Variants in ARHGAP8 observed in about 807,000 individuals in gnomAD.
ARHGAP8 encodes the protein rho GTPase-activating protein 8.
ARHGAP8 carries 62 observed loss-of-function variants against 46.1 expected under a neutral mutation model. The ratio of observed to expected loss-of-function variants is 1.34; its 90% CI spans 1.10 to 1.66. ARHGAP8 has a LOEUF of 1.66. ARHGAP8 is among the 40% of genes most tolerant of loss of function. The pLI is 0.00. For synonymous variants in ARHGAP8, 375 were observed against 243.1 expected (o/e 1.54, Z -5.05); for missense variants, 923 against 568.4 (o/e 1.62, Z -6.34).
intron 10 of ARHGAP8, among the ~76,000 whole-genome samples, chr22:44,853,919 C>T (rs189589812): frequency 5.7e-4 from 85 of 148,998 alleles, no homozygotes; most frequent in African/African-American, 1.7e-3. Flanking sequence ...CCCAGCTACT[C>T]GGGAGGCTGA....
chr22:44,766,630 A>G (rs1230465823), intron 1 of ARHGAP8, among the ~76,000 whole-genome samples: 2 of 152,088 alleles, frequency 1.3e-5, no homozygotes, highest in Non-Finnish European at 2.9e-5. Flanking sequence ...ACATGATTCC[A>G]AGACCCCGCC....
chr22:44,802,796 G>A (rs1222370536), intron 3 of ARHGAP8, among the ~76,000 whole-genome samples: 1 of 152,132 alleles, frequency 6.6e-6, no homozygotes, highest in Non-Finnish European at 1.5e-5. Flanking sequence ...TCTTCACATG[G>A]CCTTTTTGCC....
chr22:44,853,759 G>A (rs762484851), intron 10 of ARHGAP8, among the ~76,000 whole-genome samples: 2 of 152,080 alleles, frequency 1.3e-5, no homozygotes, highest in Non-Finnish European at 2.9e-5. Flanking sequence ...CAGCTGCGGT[G>A]GTTCACGCCT....
At chr22:44,832,012 A>G (rs1020835772) in intron 7 of ARHGAP8, among the ~76,000 whole-genome samples, 3 of 152,068 alleles carry the variant, frequency 2.0e-5, no homozygotes, top group South Asian at 2.1e-4. Flanking sequence ...TGGGATTTCA[A>G]TAGGGCTTGT....
intron 6 of ARHGAP8, among the ~76,000 whole-genome samples, chr22:44,824,497 C>G (rs894296522): frequency 9.9e-5 from 15 of 152,272 alleles, no homozygotes; most frequent in African/African-American, 3.1e-4. Flanking sequence ...GGTCATGTGC[C>G]CCCCCATCCT....
intron 4 of ARHGAP8, 89 bp downstream of exon 4, chr22:44,808,527 A>G: frequency 6.5e-7 from 1 of 1,531,314 alleles, no homozygotes; most frequent in Non-Finnish European, 8.8e-7. Context: ...CAGAGTGTGC[A>G]GTGGGGGAGG....
chr22:44,847,046 GGGA>G (rs1487696109), intron 8 of ARHGAP8, among the ~76,000 whole-genome samples: 1 of 152,184 alleles, frequency 6.6e-6, no homozygotes, highest in African/African-American at 2.4e-5. Flanking sequence ...CGAGGAAGTT[GGGA>G]GGAGAAGGGG....
At chr22:44,851,272 C>T (rs1002382811) in intron 10 of ARHGAP8, among the ~76,000 whole-genome samples, 1 of 152,186 alleles carries the variant, frequency 6.6e-6, no homozygotes, top group Non-Finnish European at 1.5e-5. Context: ...TTTCCTGCTA[C>T]CCGTCTTAGG....
chr22:44,759,597 G>A (rs978638722), intron 1 of ARHGAP8, among the ~76,000 whole-genome samples: 2 of 152,088 alleles, frequency 1.3e-5, no homozygotes, highest in Non-Finnish European at 2.9e-5. Flanking sequence ...GTTGGCTGCA[G>A]CCCTCCGGGT....
intron 10 of ARHGAP8, among the ~76,000 whole-genome samples, chr22:44,852,027 C>T (rs1356559329): frequency 2.6e-5 from 4 of 151,594 alleles, no homozygotes; most frequent in Non-Finnish European, 5.9e-5. Context: ...CCCGTCTCCA[C>T]TAAAAATACA....
chr22:44,845,722 G>C (rs764437007), intron 8 of ARHGAP8, among the ~76,000 whole-genome samples: 13 of 152,200 alleles, frequency 8.5e-5, no homozygotes, highest in Admixed American at 3.9e-4. Context: ...CCTCTGATGG[G>C]ATCAACTTTG....
intron 5 of ARHGAP8, among the ~76,000 whole-genome samples, chr22:44,815,879 T>G (rs1205383637): frequency 1.3e-5 from 2 of 152,078 alleles, no homozygotes; most frequent in Non-Finnish European, 2.9e-5. Context: ...GACTGACAGA[T>G]GTCGTTCTTG....
chr22:44,767,386 C>T (rs1421767392), intron 1 of ARHGAP8, among the ~76,000 whole-genome samples: 2 of 152,112 alleles, frequency 1.3e-5, no homozygotes, highest in Non-Finnish European at 2.9e-5. Context: ...GCTGCAGACC[C>T]CCAGCAGTCC....
At chr22:44,858,520 CCACCATACCCGG>C (rs2147191717) in intron 10 of ARHGAP8, among the ~76,000 whole-genome samples, 1 of 144,152 alleles carries the variant, frequency 6.9e-6, no homozygotes, top group East Asian at 2.0e-4. Flanking sequence ...CAGGTGTGTG[CCACCATACCCGG>C]CTTTTTTTTT....
chr22:44,774,457 A>G (rs1926267904), intron 1 of ARHGAP8, among the ~76,000 whole-genome samples: 1 of 151,242 alleles, frequency 6.6e-6, no homozygotes, highest in Non-Finnish European at 1.5e-5. Flanking sequence ...TAGTGTCTTT[A>G]TGGTAGCAGA....
In ARHGAP8 at chr22:44,862,685, C is replaced by A; in HGVS notation, c.*90C>A. On this transcript the variant is annotated 3_prime_UTR_variant, in exon 12 of 12. Coordinates refer to ENST00000356099, the MANE Select transcript of ARHGAP8 (RefSeq NM_181335.3). ...TAAACTTGGCATCTGTAAAAATAACCAGCCATTAGATGAATTCAGAACCTT... is the reference window on the plus strand; with the variant it reads ...TAAACTTGGCATCTGTAAAAATAACAAGCCATTAGATGAATTCAGAACCTT... 3.5e-6 allele frequency: 5 copies of A among 1,434,682 alleles called. No individual in the cohort carries two copies. The South Asian group carries it at 7.3e-5, about 21-fold the overall frequency. 88.9% of individuals were successfully genotyped at this position (1,434,682 alleles called of 1,614,324 possible). A position where few individuals can be genotyped will look rare whatever the true frequency, so the allele number is the denominator to read the frequency against.
At chr22:44,757,129 T>G (rs560453697) in intron 1 of ARHGAP8, among the ~76,000 whole-genome samples, 1 of 152,256 alleles carries the variant, frequency 6.6e-6, no homozygotes, top group Admixed American at 6.5e-5. Context: ...TTGCCCAGGC[T>G]GGTCTTGAGC....
At chr22:44,793,818 T>G (rs1927882318) in intron 2 of ARHGAP8, among the ~76,000 whole-genome samples, 2 of 152,234 alleles carry the variant, frequency 1.3e-5, no homozygotes, top group Non-Finnish European at 2.9e-5. Context: ...TTCCATATTA[T>G]ATCATATTGA....
In ARHGAP8 at chr22:44,821,243, A is replaced by G. The variant is rs534995374; in HGVS notation, c.387-1128A>G. On this transcript the variant is annotated intron_variant, in intron 5 of 11. Coordinates refer to ENST00000356099, the MANE Select transcript of ARHGAP8 (RefSeq NM_181335.3). ...TCAGGAGATCGAGACCATCCTGGCT[A>G]ACATGTTGAAACCCCGTCTCTACTA... is the stretch of plus-strand genomic sequence containing the variant. Among the ~76,000 whole-genome samples, 33 of 152,218 alleles carry G rather than the reference A, an allele frequency of 2.2e-4. No homozygotes were observed. The East Asian group carries it at 4.5e-3, about 21-fold the overall frequency.
Sources: allele counts gnomAD v4.1 joint callset (sites outside exome capture counted in the v4.1 genomes callset), GRCh38; gene constraint gnomAD v4.1.1; transcripts MANE v1.5; gene names NCBI Gene and HGNC (gene_info 2026-07-23, HGNC 2026-07-21).